FAM13A: variants seen among roughly 807,000 people sequenced by gnomAD.
The protein encoded by FAM13A is protein FAM13A.
FAM13A carries 76 observed loss-of-function variants against 129.6 expected under a neutral mutation model. The observed-to-expected ratio is 0.59, with a 90% CI of 0.49 to 0.71. The LOEUF is 0.71. Ranked by LOEUF, FAM13A falls within the 30% of genes least tolerant of loss-of-function variation. The probability of loss-of-function intolerance (pLI) is 0.00; values close to 1 mark genes in which losing one functional copy is unlikely to be tolerated. For synonymous variants in FAM13A, 443 were observed against 449.9 expected (o/e 0.98, Z 0.20); for missense variants, 1,108 against 1,249.3 (o/e 0.89, Z 1.70).
rs182424883 is a variant in FAM13A, at chr4:88,780,416, C to T, written c.1458+749G>A. ...TATTTTTATTAGGGATTCCAGTTCA[C>T]GCCATGTTATAAAATTTATCTTCAG... is the stretch of plus-strand genomic sequence containing the variant. On this transcript the variant is annotated intron_variant, in intron 11 of 23. Coordinates refer to ENST00000264344, the MANE Select transcript of FAM13A (RefSeq NM_014883.4). Among the ~76,000 whole-genome samples, 124 of 152,200 alleles carry T rather than the reference C, an allele frequency of 8.1e-4. 2 individuals carry two copies. The highest frequency in any genetic ancestry group is 7.1e-3 in the Admixed American group (109 of 15,272).
intron 7 of FAM13A, among the ~76,000 whole-genome samples, chr4:88,824,020 T>C (rs1411659953): frequency 6.6e-6 from 1 of 152,194 alleles, no homozygotes; most frequent in Non-Finnish European, 1.5e-5. Context: ...TTTTTATAGG[T>C]AACACAAAAT....
chr4:88,751,481 C>T (rs1198878749), intron 14 of FAM13A, among the ~76,000 whole-genome samples: 1 of 152,106 alleles, frequency 6.6e-6, no homozygotes. Flanking sequence ...AAGATGCATG[C>T]TTTGCACTTG....
intron 4 of FAM13A, among the ~76,000 whole-genome samples, chr4:88,940,115 TG>T (rs1399555151): frequency 6.6e-6 from 1 of 152,210 alleles, no homozygotes; most frequent in Non-Finnish European, 1.5e-5. Context: ...ATACAGAGTT[TG>T]GTACCTGGGA....
intron 4 of FAM13A, among the ~76,000 whole-genome samples, chr4:88,955,145 T>C (rs1296828570): frequency 6.6e-6 from 1 of 152,118 alleles, no homozygotes; most frequent in Non-Finnish European, 1.5e-5. Context: ...CATATTATAG[T>C]TAGAATGTGT....
At chr4:88,747,883 T>A in intron 17 of FAM13A, 32 bp from the exon 18 acceptor site, 5 of 1,426,688 alleles carry the variant, frequency 3.5e-6, no homozygotes, top group Non-Finnish European at 4.9e-6. Context: ...TAAAGATATA[T>A]GAGATTTATT....
chr4:88,872,689 G>C (rs1179660338), intron 6 of FAM13A, among the ~76,000 whole-genome samples: 1 of 152,124 alleles, frequency 6.6e-6, no homozygotes, highest in East Asian at 1.9e-4. Context: ...ATAATAATGG[G>C]AGAGTTTTAA....
intron 3 of FAM13A, among the ~76,000 whole-genome samples, chr4:88,996,258 G>A (rs1231716609): frequency 6.6e-6 from 1 of 152,320 alleles, no homozygotes; most frequent in East Asian, 1.9e-4. Flanking sequence ...AGGGTTTTGA[G>A]CTGTGGGGAG....
chr4:88,796,488 C>A (rs1726208168), intron 8 of FAM13A, among the ~76,000 whole-genome samples: 1 of 151,960 alleles, frequency 6.6e-6, no homozygotes, highest in Admixed American at 6.6e-5. Flanking sequence ...ATTAATTTTA[C>A]AAAATTCTCA....
At chr4:88,750,195 C>T (rs781697276) in intron 15 of FAM13A, among the ~76,000 whole-genome samples, 14 of 152,222 alleles carry the variant, frequency 9.2e-5, no homozygotes, top group Admixed American at 5.2e-4. Flanking sequence ...AATTGGAGAG[C>T]GCTTTGGAAA....
At chr4:88,817,892 A>C (rs1382813240) in intron 7 of FAM13A, among the ~76,000 whole-genome samples, 2 of 152,238 alleles carry the variant, frequency 1.3e-5, no homozygotes, top group Non-Finnish European at 2.9e-5. Context: ...GCATAAGAAG[A>C]CAAAACTAAA....
chr4:89,005,467 T>G (rs1175255916), intron 3 of FAM13A, among the ~76,000 whole-genome samples: 1 of 152,190 alleles, frequency 6.6e-6, no homozygotes, highest in Non-Finnish European at 1.5e-5. Flanking sequence ...GATAGTTCTG[T>G]CTTTAGGTCT....
intron 11 of FAM13A, among the ~76,000 whole-genome samples, chr4:88,780,188 G>T (rs1168243043): frequency 1.3e-5 from 2 of 151,856 alleles, no homozygotes; most frequent in African/African-American, 4.8e-5. Flanking sequence ...ATTATGGGGG[G>T]AAAAAAATCC....
chr4:88,779,456 T>C (rs1722421144), intron 11 of FAM13A, among the ~76,000 whole-genome samples: 1 of 152,206 alleles, frequency 6.6e-6, no homozygotes, highest in Admixed American at 6.5e-5. Flanking sequence ...GAAGATTAGA[T>C]TTTTAAATTC....
chr4:88,759,665 C>T lies in FAM13A; in HGVS notation c.1579-764G>A, dbSNP rs530219997. On this transcript the variant is annotated intron_variant, in intron 13 of 23. Transcript: ENST00000264344. ...TCAGTGATGCATAATTCATGTCTTA[C>T]AAATACGCAACTGTCACTTGTTTTC... Among the ~76,000 whole-genome samples the T allele has an allele frequency of 7.9e-5, 12 of 152,188 alleles. No homozygotes were observed. The East Asian group carries it at 2.3e-3, about 29-fold the overall frequency.
At chr4:89,047,172 A>G (rs1770967793) in intron 1 of FAM13A, among the ~76,000 whole-genome samples, 1 of 152,182 alleles carries the variant, frequency 6.6e-6, no homozygotes, top group Non-Finnish European at 1.5e-5. Flanking sequence ...GGTGGAGAGA[A>G]GGCTATAAAA....
chr4:88,836,772 C>T (rs1734877509), intron 7 of FAM13A, among the ~76,000 whole-genome samples: 1 of 151,926 alleles, frequency 6.6e-6, no homozygotes, highest in Non-Finnish European at 1.5e-5. Flanking sequence ...CCAGCCTGAC[C>T]AACATGGTGA....
intron 11 of FAM13A, among the ~76,000 whole-genome samples, chr4:88,769,869 G>C (rs1369591245): frequency 6.6e-6 from 1 of 151,374 alleles, no homozygotes; most frequent in Non-Finnish European, 1.5e-5. Flanking sequence ...AATAATGCCT[G>C]GTACATTTAA....
intron 6 of FAM13A, chr4:88,905,705 C>G (rs1748033270): frequency 6.6e-6 from 1 of 152,152 alleles, no homozygotes; most frequent in Admixed American, 6.5e-5. Context: ...TAGCCTCCAG[C>G]TCCATCCATG....
Position 89,029,567 on chromosome 4 carries a change from T to G in FAM13A, c.110A>C (p.Tyr37Ser). The G allele has an allele frequency of 1.9e-6, 3 of 1,594,062 alleles. No homozygotes were observed. Among genetic ancestry groups the G allele is most frequent in the Non-Finnish European group, 2.6e-6 (3 of 1,174,448 alleles). The change falls in exon 2 of 24, where the codon TAT (tyrosine) becomes TCT (serine). Residue 37 changes from tyrosine (Y) to serine (S), a missense_variant. Transcript: ENST00000264344. Reference sequence around the variant, plus strand: ...GAGACTGACTCCAAATAACTTCTGATAGGTAAAATCCTTCTGTTCATTTAA... The same window carrying G: ...GAGACTGACTCCAAATAACTTCTGAGAGGTAAAATCCTTCTGTTCATTTAA... Reference protein sequence around the residue: ...VPLNEQKDFTYQKLFGVSLQE... With the variant: ...VPLNEQKDFTSQKLFGVSLQE...
Sources: gnomAD v4.1 joint callset for allele counts (sites outside exome capture counted in the v4.1 genomes callset) on GRCh38, gnomAD v4.1.1 for gene constraint, MANE v1.5 for transcripts, NCBI Gene and HGNC (gene_info 2026-07-23, HGNC 2026-07-21) for gene names.